Variants in ALPK3 observed in about 807,000 individuals in gnomAD.
ALPK3 encodes the protein alpha-protein kinase 3.
In ALPK3, 102 loss-of-function variants were observed where a neutral mutation model predicts 140.0. The observed-to-expected ratio is 0.73, with a 90% CI of 0.62 to 0.86. The LOEUF (loss-of-function observed/expected upper bound fraction) is 0.86. Among genes scored for constraint, ALPK3 ranks in the 40% least tolerant of loss-of-function variants. The probability of loss-of-function intolerance (pLI) is 0.00; values close to 1 mark genes in which losing one functional copy is unlikely to be tolerated. For missense variants in ALPK3, 2,254 were observed against 2,208.2 expected (o/e 1.02, Z -0.42); for synonymous variants, 938 against 898.5 (o/e 1.04, Z -0.79).
chr15:84,860,279 G>A (rs1398737616), intron 9 of ALPK3, among the ~76,000 whole-genome samples: 2 of 152,156 alleles, frequency 1.3e-5, no homozygotes, highest in Non-Finnish European at 2.9e-5. Context: ...CACTGCACAG[G>A]AGTTAGTTCA....
rs577483447 is a variant in ALPK3 at position 84,827,357 on chromosome 15, G to A, written c.183-127G>A. The A allele has an allele frequency of 1.0e-3, 1,361 of 1,361,062 alleles. 2 individuals carry two copies. Among genetic ancestry groups the A allele is most frequent in the Non-Finnish European group, 1.3e-3 (1,262 of 988,448 alleles). 84.3% of individuals were successfully genotyped at this position (1,361,062 alleles called of 1,614,324 possible). ...AAGCTGCCTTGAAGAAAGACTTGCC[G>A]GGGTGCTGCAGCTCTGGCCACAGGA... On this transcript the variant is annotated intron_variant, in intron 2 of 13. Transcript: ENST00000258888.
chr15:84,860,212 T>C (rs1487522972), intron 9 of ALPK3, 140 bp downstream of exon 9: 6 of 1,094,140 alleles, frequency 5.5e-6, no homozygotes, highest in Non-Finnish European at 8.1e-6. Context: ...GCTTGGGAGA[T>C]GATGGAGGAG....
intron 9 of ALPK3, among the ~76,000 whole-genome samples, chr15:84,860,406 G>C (rs1310004475): frequency 6.6e-6 from 1 of 152,156 alleles, no homozygotes; most frequent in Non-Finnish European, 1.5e-5. Flanking sequence ...GTGGACCCTG[G>C]TATTAGATTC....
At position 84,857,598 on chromosome 15, in the gene ALPK3, C is replaced by A; in HGVS notation, c.2860C>A (p.Pro954Thr). The A allele has an allele frequency of 6.3e-7, 1 of 1,575,176 alleles. No individual in the cohort carries two copies. The highest frequency in any genetic ancestry group is 1.2e-5 in the South Asian group (1 of 84,742). ...GACCCCAGGTCCCCGGAGCTGTGACCCTGGCCTCATAGATTCCCTGAAGAA... is the reference window on the plus strand; with the variant it reads ...GACCCCAGGTCCCCGGAGCTGTGACACTGGCCTCATAGATTCCCTGAAGAA... ...GRTPGPRSCDPGLIDSLKNYL... is the reference protein window; with the variant it reads ...GRTPGPRSCDTGLIDSLKNYL... Residue 954 changes from proline to threonine, a missense_variant, in exon 6 of 14, where the codon CCT becomes ACT. Coordinates refer to ENST00000258888, the MANE Select transcript of ALPK3 (RefSeq NM_020778.5).
At chr15:84,840,982 A>G in intron 5 of ALPK3, 50 bp downstream of exon 5, 2 of 1,505,812 alleles carry the variant, frequency 1.3e-6, no homozygotes, top group South Asian at 2.7e-5. Flanking sequence ...AGCTGACCTC[A>G]TGGAAACTCT....
Position 84,856,676 on chromosome 15 carries a change from A to G in ALPK3, c.1938A>G (p.Gln646=). The change falls in exon 6 of 14, where the codon CAA becomes CAG. Residue 646 remains glutamine (Q), a synonymous_variant. Transcript: ENST00000258888. ...DRKTQVDAGT[Q]ESKRPQSDRS... ...AGACGCAGGTGGATGCTGGGACACA[A>G]GAAAGCAAGAGGCCACAGTCAGACA... 5 of 1,614,108 alleles carry G rather than the reference A, an allele frequency of 3.1e-6. No homozygotes were observed. The highest frequency in any genetic ancestry group is 4.2e-6 in the Non-Finnish European group (5 of 1,180,022).
intron 12 of ALPK3, among the ~76,000 whole-genome samples, chr15:84,865,817 T>A (rs1406927373): frequency 6.6e-5 from 10 of 152,154 alleles, no homozygotes; most frequent in Admixed American, 6.6e-4. Flanking sequence ...AAATTCTGTC[T>A]GTAATTCCAG....
intron 13 of ALPK3, 47 bp downstream of exon 13, chr15:84,867,412 G>A (rs1485415300): frequency 6.2e-7 from 1 of 1,605,530 alleles, no homozygotes; most frequent in Non-Finnish European, 8.5e-7. Flanking sequence ...TCTTCTCAGG[G>A]TGTAAAATGT....
At position 84,868,517 on chromosome 15, in the gene ALPK3, G is replaced by A. The variant is rs755421745; in HGVS notation, c.*61G>A. 3.5e-6 allele frequency: 5 copies of A among 1,447,156 alleles called. No homozygotes were observed. Among genetic ancestry groups the A allele is most frequent in the Non-Finnish European group, 4.6e-6 (5 of 1,081,190 alleles). The allele number at this position is 1,447,156 out of a possible 1,614,324, so 89.6% of individuals were successfully genotyped here. A position where few individuals can be genotyped will look rare whatever the true frequency, so the allele number is the denominator to read the frequency against. On this transcript the variant is annotated 3_prime_UTR_variant, in exon 14 of 14. Coordinates refer to ENST00000258888, the MANE Select transcript of ALPK3 (RefSeq NM_020778.5). The stretch of plus-strand genomic sequence containing the variant: ...GACCAACCAGGAAGCAGCTTGAACT[G>A]GATGGAGACTTTCCAAATATGGAAC...
intron 5 of ALPK3, among the ~76,000 whole-genome samples, chr15:84,845,994 G>A (rs1159517780): frequency 6.6e-6 from 1 of 152,170 alleles, no homozygotes; most frequent in African/African-American, 2.4e-5. Context: ...CGGGAACCTG[G>A]GAGGCAGAGG....
chr15:84,854,871 G>T (rs1963842847), intron 5 of ALPK3, among the ~76,000 whole-genome samples: 1 of 152,150 alleles, frequency 6.6e-6, no homozygotes, highest in Non-Finnish European at 1.5e-5. Flanking sequence ...ATGTTAATAT[G>T]CATTAATATA....
intron 5 of ALPK3, among the ~76,000 whole-genome samples, chr15:84,851,350 C>T (rs1477230526): frequency 6.6e-6 from 1 of 152,104 alleles, no homozygotes; most frequent in Non-Finnish European, 1.5e-5. Flanking sequence ...AAGAGATGAA[C>T]CTGGAGAAAC....
In ALPK3 at chr15:84,864,455, T is replaced by C. The variant is rs760745513; in HGVS notation, c.4513T>C (p.Tyr1505His). 9 of 1,614,152 alleles carry C rather than the reference T, an allele frequency of 5.6e-6. No individual in the cohort carries two copies. The South Asian group carries it at 6.6e-5, about 12-fold the overall frequency. ...FGEVPEIIPL[Y>H]LIYRPANNIP... is the part of the protein sequence containing the mutation. ...AACTATGTTTAGGATCATCCCACTG[T>C]ATCTGATCTACCGGCCTGCAAACAA... Residue 1505 changes from tyrosine to histidine, a missense_variant, in exon 12 of 14, where the codon TAT becomes CAT. Physicochemically the swap from Tyr to His is moderately conservative, Grantham distance 83. Transcript: ENST00000258888.
chr15:84,850,879 TACACACACACAC>T (rs4040516), intron 5 of ALPK3, among the ~76,000 whole-genome samples: 6 of 142,366 alleles, frequency 4.2e-5, no homozygotes, highest in East Asian at 2.0e-4. Flanking sequence ...GTTCCAGATA[TACACACACACAC>T]ACACACACAC....
At chr15:84,827,712 TACGTGAGGTG>T (rs2141549038) in intron 3 of ALPK3, 107 bp downstream of exon 3, 2 of 1,443,968 alleles carry the variant, frequency 1.4e-6, no homozygotes, top group South Asian at 2.6e-5. Flanking sequence ...TGCACAAAAC[TACGTGAGGTG>T]ACATTTACTT....
At chr15:84,829,706 T>A (rs1221955502) in intron 3 of ALPK3, among the ~76,000 whole-genome samples, 1 of 152,212 alleles carries the variant, frequency 6.6e-6, no homozygotes, top group African/African-American at 2.4e-5. Context: ...GAGACATGCA[T>A]CTTAAATCTC....
At chr15:84,839,655 T>G in intron 4 of ALPK3, 47 bp from the exon 5 acceptor site, 1 of 1,539,182 alleles carries the variant, frequency 6.5e-7, no homozygotes, top group Non-Finnish European at 8.7e-7. Flanking sequence ...GTGGGGGCTC[T>G]CACCTCCCAG....
At chr15:84,820,671 G>A (rs903899085) in intron 1 of ALPK3, among the ~76,000 whole-genome samples, 6 of 152,098 alleles carry the variant, frequency 3.9e-5, no homozygotes, top group Admixed American at 2.6e-4. Context: ...TAGCAGAGAC[G>A]GGATTTCATC....
chr15:84,839,108 AGGGCCT>A lies in ALPK3; in HGVS notation c.422+13_422+18del, dbSNP rs1161774900. ...ACTGCAGCTGTACAGGTGAGGGAGAAGGGCCTGTTTTGCTCTCTCTGCCCTCCCGAG... is the reference window on the plus strand; with the variant it reads ...ACTGCAGCTGTACAGGTGAGGGAGAAGTTTTGCTCTCTCTGCCCTCCCGAG... On this transcript the variant is annotated intron_variant, in intron 4 of 13. Transcript: ENST00000258888. 1 of 1,598,738 alleles carries A rather than the reference AGGGCCT, an allele frequency of 6.3e-7. No individual in the cohort carries two copies. The highest frequency in any genetic ancestry group is 1.3e-5 in the African/African-American group (1 of 74,648).
Sources: allele counts gnomAD v4.1 joint callset (sites outside exome capture counted in the v4.1 genomes callset), GRCh38; gene constraint gnomAD v4.1.1; transcripts MANE v1.5; gene names NCBI Gene and HGNC (gene_info 2026-07-23, HGNC 2026-07-21).